SAMD12: variants seen among roughly 807,000 people sequenced by gnomAD.
The protein encoded by SAMD12 is sterile alpha motif domain containing 12.
Under a neutral mutation model 15.0 loss-of-function variants are expected in SAMD12, and 9 were observed. That is an observed-to-expected ratio of 0.60 (90% CI 0.36 to 1.05). The LOEUF (loss-of-function observed/expected upper bound fraction) is 1.05, where lower values mean the gene tolerates loss of function less well. Among genes scored for constraint, SAMD12 ranks in the 50% least tolerant of loss-of-function variants. The pLI is 0.01. For synonymous variants in SAMD12, 86 were observed against 90.1 expected (o/e 0.96, Z 0.25); for missense variants, 230 against 234.2 (o/e 0.98, Z 0.12).
At chr8:118,574,764 T>G (rs191638230) in intron 2 of SAMD12, among the ~76,000 whole-genome samples, 6 of 152,320 alleles carry the variant, frequency 3.9e-5, no homozygotes, top group Admixed American at 3.3e-4. Context: ...CTGACCCTTA[T>G]GAGAATTCTT....
exon 5 of SAMD12, chr8:118,197,428 C>T (rs1409062467): frequency 1.9e-6 from 1 of 537,522 alleles, no homozygotes; most frequent in African/African-American, 1.9e-5. Flanking sequence ...TTGAGTTATG[C>T]ACAGTGATGA....
chr8:118,220,752 C>T (rs1011495422), intron 4 of SAMD12, among the ~76,000 whole-genome samples: 2 of 152,178 alleles, frequency 1.3e-5, no homozygotes, highest in African/African-American at 4.8e-5. Flanking sequence ...ATTCCTGATG[C>T]TTTACAAACA....
At chr8:118,478,793 T>C (rs73315377) in intron 2 of SAMD12, among the ~76,000 whole-genome samples, 4,127 of 152,284 alleles carry the variant, frequency 0.027, 151 homozygotes, top group African/African-American at 0.08. Flanking sequence ...CTGCTTTTCA[T>C]GATCTGTGCT....
At chr8:118,146,804 T>C in the SAMD12 span, among the ~76,000 whole-genome samples, 124 of 152,278 alleles carry the variant, frequency 8.1e-4, 1 homozygote, top group East Asian at 0.023. Flanking sequence ...AAGAATGTTT[T>C]TTGCTACTTC....
At chr8:118,373,384 CCAGATGGCCTACTTCAGTT>C (rs1819207271), downstream of SAMD12, among the ~76,000 whole-genome samples, 1 of 152,074 alleles carries the variant, frequency 6.6e-6, no homozygotes, top group Non-Finnish European at 1.5e-5. Context: ...AGGTGGTGGA[CCAGATGGCCTACTTCAGTT>C]CAGATGGCCT....
intron 4 of SAMD12, among the ~76,000 whole-genome samples, chr8:118,337,162 A>T (rs1001948715): frequency 2.0e-5 from 3 of 152,152 alleles, no homozygotes; most frequent in African/African-American, 4.8e-5. Flanking sequence ...AAGTATAATT[A>T]AAAAAAGAAA....
intron 1 of SAMD12, among the ~76,000 whole-genome samples, chr8:118,581,501 T>C (rs766515648): frequency 1.3e-5 from 2 of 152,144 alleles, no homozygotes; most frequent in African/African-American, 4.8e-5. Flanking sequence ...CTGTCACTTC[T>C]ACATGGCAAA....
intron 4 of SAMD12, among the ~76,000 whole-genome samples, chr8:118,248,379 G>A (rs1032850671): frequency 2.6e-5 from 4 of 152,008 alleles, no homozygotes; most frequent in African/African-American, 7.2e-5. Flanking sequence ...TACAAACGTT[G>A]GCTCTGACTG....
intron 2 of SAMD12, among the ~76,000 whole-genome samples, chr8:118,494,307 G>A (rs1250746536): frequency 6.6e-6 from 1 of 152,166 alleles, no homozygotes; most frequent in Non-Finnish European, 1.5e-5. Flanking sequence ...GACTTCTGAT[G>A]TCTATAACTA....
At position 118,488,420 on chromosome 8, in the gene SAMD12, C is replaced by A. The variant is rs140981732; in HGVS notation, c.193-48459G>T. ...GAAGGTGCACTAATCTTTACAGGTA[C>A]AGTGCAATAATATTTTGCATATGTA... On this transcript the variant is annotated intron_variant, in intron 2 of 3. Coordinates refer to ENST00000314727, the MANE Select transcript of SAMD12 (RefSeq NM_207506.3). Among the ~76,000 whole-genome samples the A allele has an allele frequency of 3.1e-4, 47 of 152,208 alleles. No individual in the cohort carries two copies. The East Asian group carries it at 8.3e-3, about 27-fold the overall frequency.
intron 4 of SAMD12, chr8:118,197,777 T>C (rs753314345): frequency 6.4e-7 from 1 of 1,563,090 alleles, no homozygotes. Context: ...CTTTCCTTTA[T>C]GTTTCCAGGC....
intron 4 of SAMD12, among the ~76,000 whole-genome samples, chr8:118,333,851 C>A (rs1331441571): frequency 4.4e-5 from 6 of 136,156 alleles, no homozygotes; most frequent in African/African-American, 1.7e-4. Context: ...TGGCGGGGGG[C>A]GGGGGTATGT....
chr8:118,414,168 A>T (rs1821567054), intron 3 of SAMD12, among the ~76,000 whole-genome samples: 1 of 152,244 alleles, frequency 6.6e-6, no homozygotes, highest in South Asian at 2.1e-4. Flanking sequence ...TTTATATTCC[A>T]CAGAAATCCT....
At chr8:118,246,953 A>G (rs1812710725) in intron 4 of SAMD12, among the ~76,000 whole-genome samples, 1 of 152,134 alleles carries the variant, frequency 6.6e-6, no homozygotes, top group South Asian at 2.1e-4. Context: ...GTGACTGAAG[A>G]GGAGCTGGGT....
At chr8:118,457,439 C>A (rs902756187) in intron 2 of SAMD12, among the ~76,000 whole-genome samples, 2 of 151,766 alleles carry the variant, frequency 1.3e-5, no homozygotes, top group Non-Finnish European at 2.9e-5. Context: ...CTATGTTGCC[C>A]AGGCTAGTCT....
At chr8:118,341,298 C>T (rs1817355652) in intron 4 of SAMD12, among the ~76,000 whole-genome samples, 1 of 152,208 alleles carries the variant, frequency 6.6e-6, no homozygotes, top group Non-Finnish European at 1.5e-5. Context: ...AGCTTAGCCT[C>T]ACCTCTCGTA....
intron 4 of SAMD12, among the ~76,000 whole-genome samples, chr8:118,303,257 A>G (rs1312885842): frequency 6.6e-6 from 1 of 152,186 alleles, no homozygotes; most frequent in African/African-American, 2.4e-5. Context: ...CGTTGTGCCA[A>G]TTTCATGTCA....
the SAMD12 span, among the ~76,000 whole-genome samples, chr8:118,157,942 G>T: frequency 6.6e-6 from 1 of 152,240 alleles, no homozygotes; most frequent in African/African-American, 2.4e-5. Flanking sequence ...CCTTATCATT[G>T]CTCCAGCTTA....
intron 3 of SAMD12, among the ~76,000 whole-genome samples, chr8:118,426,072 A>G (rs139227052): frequency 6.6e-6 from 1 of 152,324 alleles, no homozygotes; most frequent in African/African-American, 2.4e-5. Context: ...TTTCTATAAA[A>G]TATTTCACAG....
Sources: gnomAD v4.1 joint callset for allele counts (sites outside exome capture counted in the v4.1 genomes callset) on GRCh38, gnomAD v4.1.1 for gene constraint, MANE v1.5 for transcripts, NCBI Gene and HGNC (gene_info 2026-07-23, HGNC 2026-07-21) for gene names.